PCED1B: variants seen among roughly 807,000 people sequenced by gnomAD.
PCED1B encodes PC-esterase domain-containing protein 1B.
For missense variants in PCED1B, 573 were observed against 573.9 expected (o/e 1.00, Z 0.02); for synonymous variants, 251 against 246.1 (o/e 1.02, Z -0.19).
rs1273434301 is a variant in PCED1B, at chr12:47,235,121, A to T, written c.58A>T (p.Ile20Phe). 6.5e-7 allele frequency: 1 copy of T among 1,533,188 alleles called. No individual in the cohort carries two copies. Among genetic ancestry groups the T allele is most frequent in the African/African-American group, 1.4e-5 (1 of 72,364 alleles). 95.0% of individuals were successfully genotyped at this position (1,533,188 alleles called of 1,614,324 possible). Residue 20 changes from isoleucine to phenylalanine, a missense_variant, in exon 4 of 4, where the codon ATC becomes TTC. Coordinates refer to ENST00000546455, the MANE Select transcript of PCED1B (RefSeq NM_138371.3). The stretch of plus-strand genomic sequence containing the variant: ...GCTGCTTCACAATAAGTTCGTGGTC[A>T]TCCTGGGGGACTCTGTGCATAGGGC... ...RQLLHNKFVV[I>F]LGDSVHRAVY...
chr12:47,120,013 A>C (rs1317366103), intron 2 of PCED1B, among the ~76,000 whole-genome samples: 2 of 152,046 alleles, frequency 1.3e-5, no homozygotes, highest in African/African-American at 4.8e-5. Context: ...GCCCAATTAA[A>C]AAATAGAAAA....
chr12:47,215,106 CTT>C (rs927074551), intron 2 of PCED1B, among the ~76,000 whole-genome samples: 1 of 151,716 alleles, frequency 6.6e-6, no homozygotes, highest in African/African-American at 2.4e-5. Flanking sequence ...TTCTCTCTCT[CTT>C]TTTTTTCTGA....
chr12:47,186,482 G>C (rs1281564270), intron 2 of PCED1B, among the ~76,000 whole-genome samples: 1 of 152,062 alleles, frequency 6.6e-6, no homozygotes, highest in Non-Finnish European at 1.5e-5. Flanking sequence ...GGGGGGTAGA[G>C]GGGGGCACTT....
chr12:47,116,154 C>T (rs1004625393), intron 2 of PCED1B, among the ~76,000 whole-genome samples: 9 of 152,134 alleles, frequency 5.9e-5, no homozygotes, highest in African/African-American at 1.7e-4. Context: ...TTACTATCAA[C>T]GTATCTACAT....
chr12:47,166,445 A>G (rs1313520575), intron 2 of PCED1B, among the ~76,000 whole-genome samples: 1 of 152,220 alleles, frequency 6.6e-6, no homozygotes, highest in African/African-American at 2.4e-5. Context: ...TAACACATTT[A>G]GCCAAAAACT....
chr12:47,080,166 C>T (rs1941957478), intron 1 of PCED1B, among the ~76,000 whole-genome samples: 1 of 152,032 alleles, frequency 6.6e-6, no homozygotes, highest in Non-Finnish European at 1.5e-5. Flanking sequence ...GAGGCCCAGA[C>T]TCTGGTCCTT....
At chr12:47,200,345 G>C (rs575033862) in intron 2 of PCED1B, among the ~76,000 whole-genome samples, 1 of 152,262 alleles carries the variant, frequency 6.6e-6, no homozygotes, top group South Asian at 2.1e-4. Context: ...ATGGAAAAAT[G>C]CTCAATACCA....
At chr12:47,099,068 T>C (rs1938596087) in intron 1 of PCED1B, among the ~76,000 whole-genome samples, 1 of 152,168 alleles carries the variant, frequency 6.6e-6, no homozygotes, top group South Asian at 2.1e-4. Context: ...CCCGTCCCCT[T>C]CTCCCCTGCG....
At chr12:47,222,882 C>T (rs77822788) in intron 3 of PCED1B, among the ~76,000 whole-genome samples, 2,393 of 152,240 alleles carry the variant, frequency 0.016, 40 homozygotes, top group Non-Finnish European at 0.022. Flanking sequence ...GGGGATGGTC[C>T]GTTGTAACCA....
chr12:47,151,432 G>A (rs1237904919), intron 2 of PCED1B, among the ~76,000 whole-genome samples: 1 of 152,282 alleles, frequency 6.6e-6, no homozygotes, highest in East Asian at 1.9e-4. Flanking sequence ...TTGTGTATGT[G>A]CAGTCTACAA....
chr12:47,135,237 T>C (rs1018924253), intron 2 of PCED1B, among the ~76,000 whole-genome samples: 1 of 152,232 alleles, frequency 6.6e-6, no homozygotes, highest in Non-Finnish European at 1.5e-5. Flanking sequence ...AAAGGATATA[T>C]GCAATTAAGA....
intron 2 of PCED1B, among the ~76,000 whole-genome samples, chr12:47,157,988 T>C (rs915463411): frequency 3.9e-5 from 6 of 152,342 alleles, no homozygotes; most frequent in South Asian, 2.1e-4. Context: ...CCTTTAAAGG[T>C]TGAATAATTT....
At chr12:47,101,840 G>A (rs1324936001) in intron 1 of PCED1B, among the ~76,000 whole-genome samples, 3 of 152,064 alleles carry the variant, frequency 2.0e-5, no homozygotes, top group Admixed American at 6.5e-5. Context: ...CAGCTACCGG[G>A]GAAGCTGAGG....
Position 47,235,601 on chromosome 12 carries a change from A to G in PCED1B, c.538A>G (p.Lys180Glu). 2 of 1,609,302 alleles carry G rather than the reference A, an allele frequency of 1.2e-6. No homozygotes were observed. The highest frequency in any genetic ancestry group is 1.7e-6 in the Non-Finnish European group (2 of 1,177,210). The change falls in exon 4 of 4, where the codon AAG (lysine) becomes GAG (glutamate). Residue 180 changes from lysine (K) to glutamate (E), a missense_variant. Physicochemically the swap from Lys to Glu is moderately conservative, Grantham distance 56. Coordinates refer to ENST00000546455, the MANE Select transcript of PCED1B (RefSeq NM_138371.3). ...AGTCACCGGGGGTTTTCTTCCGCCC[A>G]AGCTCCGGCGGCAGAAGGCCACCTT... ...EEVTGGFLPPKLRRQKATFLK... is the reference protein window; with the variant it reads ...EEVTGGFLPPELRRQKATFLK...
chr12:47,228,835 T>C (rs1943712096), intron 3 of PCED1B, among the ~76,000 whole-genome samples: 1 of 150,418 alleles, frequency 6.6e-6, no homozygotes, highest in African/African-American at 2.4e-5. Context: ...ATTGCACCAC[T>C]GCACTCCAGC....
chr12:47,099,393 C>T (rs1182194535), intron 1 of PCED1B, among the ~76,000 whole-genome samples: 1 of 152,350 alleles, frequency 6.6e-6, no homozygotes, highest in Non-Finnish European at 1.5e-5. Context: ...CCGCACACCA[C>T]ATACTACATA....
intron 2 of PCED1B, among the ~76,000 whole-genome samples, chr12:47,163,352 G>A (rs1375650438): frequency 6.6e-6 from 1 of 152,124 alleles, no homozygotes; most frequent in Non-Finnish European, 1.5e-5. Context: ...TATATCATCT[G>A]TGAACAGAGA....
intron 2 of PCED1B, among the ~76,000 whole-genome samples, chr12:47,117,407 C>G (rs1939471899): frequency 6.6e-6 from 1 of 152,024 alleles, no homozygotes; most frequent in South Asian, 2.1e-4. Context: ...TCCAAGTGTT[C>G]TCATTGTTCA....
intron 2 of PCED1B, among the ~76,000 whole-genome samples, chr12:47,158,623 T>C (rs955814509): frequency 6.6e-6 from 1 of 152,192 alleles, no homozygotes; most frequent in African/African-American, 2.4e-5. Context: ...CTGTTGATAC[T>C]GTCTTTTGAT....
Sources: allele counts gnomAD v4.1 joint callset (sites outside exome capture counted in the v4.1 genomes callset), GRCh38; gene constraint gnomAD v4.1.1; transcripts MANE v1.5; gene names NCBI Gene and HGNC (gene_info 2026-07-23, HGNC 2026-07-21).